The following NEO1 variants were observed in gnomAD, a reference collection of about 807,000 sequenced individuals.
NEO1 encodes the protein neogenin.
In NEO1, 63 loss-of-function variants were observed where a neutral mutation model predicts 159.7. That is an observed-to-expected ratio of 0.39 (90% CI 0.32 to 0.49). NEO1 has a LOEUF of 0.49. Ranked by LOEUF, NEO1 falls within the 20% of genes least tolerant of loss-of-function variation. The probability of loss-of-function intolerance (pLI) is 0.85; values close to 1 mark genes in which losing one functional copy is unlikely to be tolerated. For missense variants in NEO1, 1,615 were observed against 1,831.0 expected (o/e 0.88, Z 2.15); for synonymous variants, 633 against 662.0 (o/e 0.96, Z 0.67).
intron 28 of NEO1, 186 bp downstream of exon 28, chr15:73,301,643 A>G (rs1477946919): frequency 6.8e-6 from 5 of 733,780 alleles, no homozygotes; most frequent in Non-Finnish European, 1.1e-5. Context: ...TGTGCTGAGG[A>G]CTTGGTGTGC....
chr15:73,279,324 G>A (rs1376756199), intron 22 of NEO1, among the ~76,000 whole-genome samples: 1 of 126,778 alleles, frequency 7.9e-6, no homozygotes. Flanking sequence ...ACTCATGCAT[G>A]CATGTTTTTT....
At chr15:73,179,863 GTA>G (rs200048014) in intron 7 of NEO1, among the ~76,000 whole-genome samples, 51 of 147,874 alleles carry the variant, frequency 3.4e-4, no homozygotes, top group South Asian at 4.3e-4. Context: ...TAAATAATAT[GTA>G]TATATATATA....
At chr15:73,232,125 T>C (rs1414352609) in intron 7 of NEO1, among the ~76,000 whole-genome samples, 1 of 152,212 alleles carries the variant, frequency 6.6e-6, no homozygotes, top group Non-Finnish European at 1.5e-5. Flanking sequence ...TTCACTTTTG[T>C]TGAATATTGG....
chr15:73,201,108 A>T (rs1313658224), intron 7 of NEO1, among the ~76,000 whole-genome samples: 1 of 151,752 alleles, frequency 6.6e-6, no homozygotes, highest in Non-Finnish European at 1.5e-5. Flanking sequence ...CAGTCTGTTG[A>T]TCTTTATAAA....
chr15:73,182,456 A>C (rs1387081034), intron 7 of NEO1, among the ~76,000 whole-genome samples: 1 of 152,166 alleles, frequency 6.6e-6, no homozygotes, highest in East Asian at 1.9e-4. Flanking sequence ...TCTTGAGCCC[A>C]GCAGAGAGCT....
chr15:73,289,060 A>C, intron 24 of NEO1, 86 bp from the exon 25 acceptor site: 1 of 976,600 alleles, frequency 1.0e-6, no homozygotes, highest in Non-Finnish European at 1.6e-6. Context: ...TGAATTCTGA[A>C]TCCCCTACTA....
intron 1 of NEO1, among the ~76,000 whole-genome samples, chr15:73,084,767 T>C (rs945825888): frequency 1.3e-5 from 2 of 152,110 alleles, no homozygotes; most frequent in Admixed American, 1.3e-4. Context: ...TGTTTCAATT[T>C]TACCTTTTTC....
chr15:73,145,587 A>G lies in NEO1; in HGVS notation c.1015+9560A>G, dbSNP rs182454495. 1.8e-3 allele frequency among the ~76,000 whole-genome samples: 272 copies of G among 152,326 alleles called. 1 individual carries two copies. Among genetic ancestry groups the G allele is most frequent in the African/African-American group, 6.3e-3 (263 of 41,580 alleles). ...CAGCCTACCTATGTATCAGAATACA[A>G]TGCTTCCTACAAAAATCATGTTTTA... On this transcript the variant is annotated intron_variant, in intron 5 of 28. Coordinates refer to ENST00000261908, the MANE Select transcript of NEO1 (RefSeq NM_002499.4).
intron 2 of NEO1, among the ~76,000 whole-genome samples, chr15:73,121,376 GAGAAATA>G (rs1025326993): frequency 7.2e-5 from 11 of 152,058 alleles, no homozygotes; most frequent in African/African-American, 2.7e-4. Context: ...TCATTTTTGG[GAGAAATA>G]CCACAGAAGT....
chr15:73,194,068 G>C (rs751893282), intron 7 of NEO1, among the ~76,000 whole-genome samples: 3 of 152,168 alleles, frequency 2.0e-5, no homozygotes, highest in Non-Finnish European at 2.9e-5. Flanking sequence ...GCAGAGACCA[G>C]ATTATTTAAT....
intron 5 of NEO1, among the ~76,000 whole-genome samples, chr15:73,151,580 A>G (rs1199586478): frequency 6.6e-6 from 1 of 152,162 alleles, no homozygotes; most frequent in African/African-American, 2.4e-5. Flanking sequence ...ATCATAGTGG[A>G]AGGGGAAGCA....
intron 5 of NEO1, among the ~76,000 whole-genome samples, chr15:73,146,271 G>A (rs1168314069): frequency 3.9e-5 from 6 of 152,110 alleles, no homozygotes; most frequent in East Asian, 3.8e-4. Context: ...TAGATCCTTA[G>A]CACCTAATGT....
At chr15:73,104,987 A>G (rs1221112752) in intron 1 of NEO1, among the ~76,000 whole-genome samples, 1 of 152,236 alleles carries the variant, frequency 6.6e-6, no homozygotes, top group Admixed American at 6.5e-5. Flanking sequence ...AGATTTGGGC[A>G]GGGACACAGA....
chr15:73,100,040 T>C (rs1567192365), intron 1 of NEO1, among the ~76,000 whole-genome samples: 2 of 152,180 alleles, frequency 1.3e-5, no homozygotes, highest in Admixed American at 6.5e-5. Flanking sequence ...AATCTACCAT[T>C]GTTCTCGATA....
intron 1 of NEO1, among the ~76,000 whole-genome samples, chr15:73,072,532 A>T (rs1446173410): frequency 6.6e-6 from 1 of 152,196 alleles, no homozygotes; most frequent in Non-Finnish European, 1.5e-5. Flanking sequence ...TGGGACCATG[A>T]GGATGATTAA....
At chr15:73,151,362 C>T (rs975045063) in intron 5 of NEO1, among the ~76,000 whole-genome samples, 10 of 152,064 alleles carry the variant, frequency 6.6e-5, no homozygotes, top group African/African-American at 2.4e-4. Flanking sequence ...CTTATTGATA[C>T]CTGAAAATAG....
chr15:73,148,851 C>CTTTTTTT (rs200712761), intron 5 of NEO1, among the ~76,000 whole-genome samples: 1 of 147,178 alleles, frequency 6.8e-6, no homozygotes, highest in Non-Finnish European at 1.5e-5. Flanking sequence ...GGTTTTCAAA[C>CTTTTTTT]TTGTTTTTTT....
intron 5 of NEO1, among the ~76,000 whole-genome samples, chr15:73,154,355 C>A (rs189098453): frequency 1.3e-5 from 2 of 152,230 alleles, no homozygotes; most frequent in East Asian, 3.9e-4. Flanking sequence ...TACAAACAGT[C>A]CAGTTATTCT....
At chr15:73,155,972 C>G (rs1044133341) in intron 5 of NEO1, among the ~76,000 whole-genome samples, 3 of 152,044 alleles carry the variant, frequency 2.0e-5, no homozygotes, top group African/African-American at 7.2e-5. Context: ...TGGTTAGGAC[C>G]TATTGCGGGA....
Sources: gnomAD v4.1 joint callset for allele counts (sites outside exome capture counted in the v4.1 genomes callset) on GRCh38, gnomAD v4.1.1 for gene constraint, MANE v1.5 for transcripts, NCBI Gene and HGNC (gene_info 2026-07-23, HGNC 2026-07-21) for gene names.